HS3ST4: variants seen among roughly 807,000 people sequenced by gnomAD.
HS3ST4 encodes the protein heparan sulfate-glucosamine 3-sulfotransferase 4, also known as heparan sulfate glucosamine 3-O-sulfotransferase 4.
In HS3ST4, 17 loss-of-function variants were observed where a neutral mutation model predicts 29.2. The observed-to-expected ratio is 0.58, with a 90% CI of 0.40 to 0.87. The LOEUF (loss-of-function observed/expected upper bound fraction) is 0.87. Among genes scored for constraint, HS3ST4 ranks in the 40% least tolerant of loss-of-function variants. The pLI, the probability that HS3ST4 is intolerant of heterozygous loss-of-function variation, is 0.00. For synonymous variants in HS3ST4, 314 were observed against 285.7 expected, an observed-to-expected ratio of 1.10 and a Z score of -1.00; for missense variants, 627 against 634.5, an observed-to-expected ratio of 0.99 and a Z score of 0.13.
chr16:26,005,441 A>G (rs1328305767), intron 1 of HS3ST4, among the ~76,000 whole-genome samples: 1 of 152,166 alleles, frequency 6.6e-6, no homozygotes, highest in Admixed American at 6.5e-5. Flanking sequence ...TTTAGCATTT[A>G]CGCTAATCAG....
intron 1 of HS3ST4, among the ~76,000 whole-genome samples, chr16:26,064,633 T>C (rs549110363): frequency 1.4e-3 from 216 of 149,588 alleles, no homozygotes; most frequent in African/African-American, 5.0e-3. Flanking sequence ...TTTTTTTTTT[T>C]TGAGACAGAG....
chr16:25,709,849 CCCTT>C (rs1220320783), intron 1 of HS3ST4, among the ~76,000 whole-genome samples: 5 of 152,118 alleles, frequency 3.3e-5, no homozygotes, highest in African/African-American at 1.2e-4. Context: ...CTATTTTCAT[CCCTT>C]CCTTAGCAAC....
intron 1 of HS3ST4, among the ~76,000 whole-genome samples, chr16:25,725,832 G>A (rs1966531417): frequency 6.6e-6 from 1 of 151,488 alleles, no homozygotes; most frequent in Non-Finnish European, 1.5e-5. Context: ...TCAAATTTGG[G>A]ATTATACAAT....
chr16:25,869,045 T>G (rs904123257), intron 1 of HS3ST4, among the ~76,000 whole-genome samples: 1 of 152,154 alleles, frequency 6.6e-6, no homozygotes, highest in Non-Finnish European at 1.5e-5. Flanking sequence ...CTTGATTTTG[T>G]TAAATGGTAT....
chr16:25,929,947 C>T (rs1032277720), intron 1 of HS3ST4, among the ~76,000 whole-genome samples: 6 of 152,150 alleles, frequency 3.9e-5, no homozygotes, highest in Non-Finnish European at 8.8e-5. Flanking sequence ...GATGCTCTCC[C>T]TCCTTCCATC....
chr16:26,093,031 C>G (rs148186358), intron 1 of HS3ST4, among the ~76,000 whole-genome samples: 1 of 152,110 alleles, frequency 6.6e-6, no homozygotes, highest in Non-Finnish European at 1.5e-5. Flanking sequence ...GCAGCCTGGC[C>G]GGGAGAGGGG....
At chr16:26,059,033 T>G (rs191792259) in intron 1 of HS3ST4, among the ~76,000 whole-genome samples, 220 of 152,024 alleles carry the variant, frequency 1.4e-3, no homozygotes, top group Admixed American at 2.3e-3. Context: ...CCAAGGGAAG[T>G]GGAAAGAATG....
At position 26,059,567 on chromosome 16, in the gene HS3ST4, C is replaced by A. The variant is rs147113322; in HGVS notation, c.735-76045C>A. ...GTCATTCATTAATGCATTGATTGAA[C>A]GGCATGACTAATAGTTGCCAGGTTT... On this transcript the variant is annotated intron_variant, in intron 1 of 1. Coordinates refer to ENST00000331351, the MANE Select transcript of HS3ST4 (RefSeq NM_006040.3). Among the ~76,000 whole-genome samples the A allele has an allele frequency of 2.0e-5, 3 of 152,160 alleles. No homozygotes were observed. The East Asian group carries it at 5.8e-4, about 30-fold the overall frequency.
intron 1 of HS3ST4, among the ~76,000 whole-genome samples, chr16:25,891,658 C>A (rs978867625): frequency 1.3e-5 from 2 of 152,140 alleles, no homozygotes; most frequent in East Asian, 3.8e-4. Flanking sequence ...GGGGAGGAAA[C>A]GTAAGCCCCA....
At chr16:26,119,776 G>C (rs1476659953) in intron 1 of HS3ST4, among the ~76,000 whole-genome samples, 1 of 152,160 alleles carries the variant, frequency 6.6e-6, no homozygotes, top group East Asian at 1.9e-4. Flanking sequence ...TATGTGGCAT[G>C]CTGGGAGCAC....
chr16:25,703,539 G>C (rs114539972), intron 1 of HS3ST4, among the ~76,000 whole-genome samples: 1 of 152,224 alleles, frequency 6.6e-6, no homozygotes, highest in African/African-American at 2.4e-5. Context: ...TCAAGCATAC[G>C]TTCTTACCTT....
At chr16:26,014,231 T>A (rs1969341756) in intron 1 of HS3ST4, among the ~76,000 whole-genome samples, 1 of 152,192 alleles carries the variant, frequency 6.6e-6, no homozygotes, top group African/African-American at 2.4e-5. Context: ...TTGTTCACTG[T>A]TGTGTCCCTG....
At chr16:26,064,058 A>G (rs1213621604) in intron 1 of HS3ST4, among the ~76,000 whole-genome samples, 1 of 152,188 alleles carries the variant, frequency 6.6e-6, no homozygotes, top group East Asian at 1.9e-4. Context: ...ATAAGAAGCT[A>G]GGTAGGTAAC....
At chr16:25,774,428 G>A (rs1383492030) in intron 1 of HS3ST4, among the ~76,000 whole-genome samples, 1 of 152,226 alleles carries the variant, frequency 6.6e-6, no homozygotes, top group African/African-American at 2.4e-5. Flanking sequence ...AAGGGCTGGA[G>A]CAACTAAAAT....
intron 1 of HS3ST4, among the ~76,000 whole-genome samples, chr16:25,954,817 A>G (rs1968713399): frequency 1.3e-5 from 2 of 152,218 alleles, no homozygotes; most frequent in Admixed American, 6.5e-5. Flanking sequence ...ATAAAAAAAA[A>G]TCTGAAATAT....
chr16:25,724,112 CAAAAA>C (rs56115380), intron 1 of HS3ST4, among the ~76,000 whole-genome samples: 2,537 of 77,274 alleles, frequency 0.033, 103 homozygotes, highest in African/African-American at 0.11. Context: ...GACTCCATCT[CAAAAA>C]AAAAAAAAAA....
chr16:25,762,470 C>T (rs530928634), intron 1 of HS3ST4, among the ~76,000 whole-genome samples: 12 of 152,150 alleles, frequency 7.9e-5, no homozygotes, highest in South Asian at 2.1e-4. Flanking sequence ...CTAGACCAGC[C>T]GACAGAAGGA....
chr16:25,785,627 C>T (rs1222375340), intron 1 of HS3ST4, among the ~76,000 whole-genome samples: 3 of 152,136 alleles, frequency 2.0e-5, no homozygotes, highest in Non-Finnish European at 4.4e-5. Context: ...CTCAGCTTCC[C>T]TGAGGCAGTT....
chr16:26,022,354 T>C (rs1969421742), intron 1 of HS3ST4, among the ~76,000 whole-genome samples: 1 of 152,106 alleles, frequency 6.6e-6, no homozygotes, highest in South Asian at 2.1e-4. Context: ...ATGTTAGTGG[T>C]GGGTGATTTG....
Sources: allele counts gnomAD v4.1 joint callset (sites outside exome capture counted in the v4.1 genomes callset), GRCh38; gene constraint gnomAD v4.1.1; transcripts MANE v1.5; gene names NCBI Gene and HGNC (gene_info 2026-07-23, HGNC 2026-07-21).